PALLD: variants seen among roughly 807,000 people sequenced by gnomAD.
The protein encoded by PALLD is palladin, cytoskeletal associated protein.
A neutral mutation model predicts 123.5 loss-of-function variants in PALLD; 61 were observed. The observed-to-expected ratio is 0.49, with a 90% CI of 0.40 to 0.61. The LOEUF is 0.61. PALLD is among the 20% of genes least tolerant of loss of function. The probability of loss-of-function intolerance (pLI) is 0.00; values close to 1 mark genes in which losing one functional copy is unlikely to be tolerated. For synonymous variants in PALLD, 465 were observed against 496.4 expected (o/e 0.94, Z 0.84); for missense variants, 1,273 against 1,377.0 (o/e 0.92, Z 1.20).
At position 168,711,731 on chromosome 4, in the gene PALLD, A is replaced by G. The variant is rs1385919219; in HGVS notation, c.1772A>G (p.Glu591Gly). 4 of 1,614,056 alleles carry G rather than the reference A, an allele frequency of 2.5e-6. No homozygotes were observed. The Admixed American group carries it at 6.7e-5, about 27-fold the overall frequency. ...PSEIQQVNNP[E>G]LGLSRAALQM... ...GAGATCCAGCAGGTGAACAACCCTG[A>G]GTTAGGCCTGAGCAGGGCAGCCCTT... Residue 591 changes from glutamate (E) to glycine (G), a missense_variant, in exon 10 of 22, where the codon GAG becomes GGG. Glu to Gly is a moderately conservative substitution (Grantham distance 98). Transcript: ENST00000505667.
intron 2 of PALLD, among the ~76,000 whole-genome samples, chr4:168,652,131 C>A (rs1031896680): frequency 6.6e-6 from 1 of 152,096 alleles, no homozygotes; most frequent in African/African-American, 2.4e-5. Flanking sequence ...GTTCCTTGAG[C>A]AGTGAAAAGC....
chr4:168,599,532 T>C (rs888297435), intron 2 of PALLD, among the ~76,000 whole-genome samples: 1 of 151,418 alleles, frequency 6.6e-6, no homozygotes, highest in Non-Finnish European at 1.5e-5. Flanking sequence ...GATGAAAAAA[T>C]GGAAATGCCG....
rs545868645 is a variant in PALLD, at chr4:168,839,243, G to A, written c.1965-51679G>A. 1.4e-4 allele frequency among the ~76,000 whole-genome samples: 21 copies of A among 152,240 alleles called. 1 individual carries two copies. In the South Asian group the frequency reaches 3.7e-3, roughly 27 times the overall value. ...GGTGGCATTACAGGTGTGAGCCACCGCGACTGGCTAAAAATTCTTAATTGT... is the reference window on the plus strand; with the variant it reads ...GGTGGCATTACAGGTGTGAGCCACCACGACTGGCTAAAAATTCTTAATTGT... On this transcript the variant is annotated intron_variant, in intron 10 of 21. Transcript: ENST00000505667.
At chr4:168,609,346 A>G (rs1188196210) in intron 2 of PALLD, among the ~76,000 whole-genome samples, 1 of 33,708 alleles carries the variant, frequency 3.0e-5, no homozygotes, top group East Asian at 1.7e-3. Flanking sequence ...AGCTGTTACC[A>G]AAAAAAAAAA....
intron 2 of PALLD, among the ~76,000 whole-genome samples, chr4:168,636,324 C>CA (rs1580695928): frequency 6.6e-6 from 1 of 152,062 alleles, no homozygotes; most frequent in East Asian, 1.9e-4. Flanking sequence ...CCCATCCCTG[C>CA]AAAAAATAAA....
intron 2 of PALLD, among the ~76,000 whole-genome samples, chr4:168,536,862 CTG>C (rs1429153724): frequency 1.1e-4 from 16 of 150,090 alleles, no homozygotes; most frequent in Admixed American, 1.1e-3. Flanking sequence ...GAGTCTCACT[CTG>C]TCTCCCAGGC....
At chr4:168,881,124 C>T (rs1411925430) in intron 10 of PALLD, among the ~76,000 whole-genome samples, 1 of 152,110 alleles carries the variant, frequency 6.6e-6, no homozygotes, top group African/African-American at 2.4e-5. Context: ...AGGCTGGTTT[C>T]AAACTTCTGA....
At chr4:168,698,267 A>G (rs1783339679) in intron 8 of PALLD, among the ~76,000 whole-genome samples, 1 of 152,194 alleles carries the variant, frequency 6.6e-6, no homozygotes, top group Admixed American at 6.5e-5. Context: ...AGTTAGAAAG[A>G]AAGAATAAGA....
At chr4:168,879,637 G>C (rs1449682534) in intron 10 of PALLD, among the ~76,000 whole-genome samples, 2 of 152,228 alleles carry the variant, frequency 1.3e-5, no homozygotes, top group Non-Finnish European at 2.9e-5. Context: ...GTACCAGGCA[G>C]CTTCAGTTAG....
intron 10 of PALLD, among the ~76,000 whole-genome samples, chr4:168,809,085 G>C (rs192945662): frequency 4.9e-4 from 75 of 152,240 alleles, no homozygotes; most frequent in African/African-American, 1.6e-3. Context: ...AAGCATTTGT[G>C]GGTGAGTTTC....
At chr4:168,553,468 G>A (rs1399713689) in intron 2 of PALLD, among the ~76,000 whole-genome samples, 3 of 152,172 alleles carry the variant, frequency 2.0e-5, no homozygotes, top group Non-Finnish European at 2.9e-5. Flanking sequence ...TGACATATTT[G>A]CAATCAGTGG....
At chr4:168,851,847 C>T (rs768662815) in intron 10 of PALLD, among the ~76,000 whole-genome samples, 9 of 152,120 alleles carry the variant, frequency 5.9e-5, no homozygotes, top group African/African-American at 1.7e-4. Flanking sequence ...TGAAGCAGTC[C>T]ACCGCATTTC....
intron 1 of PALLD, among the ~76,000 whole-genome samples, chr4:168,508,029 C>T (rs1199505805): frequency 6.6e-6 from 1 of 152,212 alleles, no homozygotes. Context: ...CTGATCCTGA[C>T]CTTGCTGTTG....
intron 1 of PALLD, among the ~76,000 whole-genome samples, chr4:168,501,135 A>C (rs1761353638): frequency 1.3e-5 from 2 of 152,208 alleles, no homozygotes; most frequent in Admixed American, 1.3e-4. Context: ...TGAAATAGCC[A>C]GGCCTGGTGG....
intron 12 of PALLD, 187 bp downstream of exon 12, chr4:168,894,864 G>C (rs1039422295): frequency 6.9e-6 from 6 of 869,344 alleles, no homozygotes; most frequent in Admixed American, 5.5e-5. Flanking sequence ...TTAAGTGACT[G>C]ACAGAATTCT....
intron 2 of PALLD, among the ~76,000 whole-genome samples, chr4:168,573,308 T>A (rs1283149720): frequency 6.6e-6 from 1 of 152,070 alleles, no homozygotes; most frequent in Non-Finnish European, 1.5e-5. Context: ...ATTGCCTTTT[T>A]TTTTGTTAAT....
At chr4:168,691,233 C>G (rs746743507) in intron 7 of PALLD, 36 bp from the exon 8 acceptor site, 2 of 1,533,222 alleles carry the variant, frequency 1.3e-6, no homozygotes, top group Admixed American at 3.3e-5. Flanking sequence ...CATTCTAATA[C>G]TTTGTTCTAA....
chr4:168,818,913 G>A (rs1217642174), intron 10 of PALLD, among the ~76,000 whole-genome samples: 1 of 152,120 alleles, frequency 6.6e-6, no homozygotes, highest in Admixed American at 6.5e-5. Flanking sequence ...TATGTTTTGA[G>A]GACTAGAAAA....
At chr4:168,511,160 C>T (rs542999038) in intron 1 of PALLD, among the ~76,000 whole-genome samples, 11 of 152,200 alleles carry the variant, frequency 7.2e-5, no homozygotes, top group African/African-American at 2.6e-4. Context: ...TGAGCCCTAT[C>T]CTACTAATAG....
Sources: gnomAD v4.1 joint callset for allele counts (sites outside exome capture counted in the v4.1 genomes callset) on GRCh38, gnomAD v4.1.1 for gene constraint, MANE v1.5 for transcripts, NCBI Gene and HGNC (gene_info 2026-07-23, HGNC 2026-07-21) for gene names.